UBE2O: variants seen among roughly 807,000 people sequenced by gnomAD.
UBE2O encodes the protein ubiquitin conjugating enzyme E2 O.
UBE2O carries 15 observed loss-of-function variants against 125.8 expected under a neutral mutation model. The ratio of observed to expected loss-of-function variants is 0.12; its 90% CI spans 0.08 to 0.18. UBE2O has a LOEUF of 0.18. Among genes scored for constraint, UBE2O ranks in the 10% least tolerant of loss-of-function variants. The pLI is 1.00. For synonymous variants in UBE2O, 708 were observed against 703.2 expected (o/e 1.01, Z -0.11); for missense variants, 1,280 against 1,723.6 (o/e 0.74, Z 4.56).
In UBE2O at chr17:76,400,577, G is replaced by A; in HGVS notation, c.895-27C>T. 1 of 1,533,162 alleles carries A rather than the reference G, an allele frequency of 6.5e-7. No individual in the cohort carries two copies. The highest frequency in any genetic ancestry group is 9.0e-7 in the Non-Finnish European group (1 of 1,117,214). 95.0% of individuals were successfully genotyped at this position (1,533,162 alleles called of 1,614,324 possible). ...TGGGGATGGCAGGTGGGACACGCCA[G>A]TCAGGGCAGGCTCTGACAGCACTCT... On this transcript the variant is annotated intron_variant, in intron 6 of 17. Coordinates refer to ENST00000319380, the MANE Select transcript of UBE2O (RefSeq NM_022066.4). This position sits in a 1 kb window ranked among gnomAD's most constrained non-coding sequence, Gnocchi z 4.3.
At chr17:76,394,596 T>G (rs1447797265) in intron 15 of UBE2O, among the ~76,000 whole-genome samples, 1 of 152,218 alleles carries the variant, frequency 6.6e-6, no homozygotes, top group Non-Finnish European at 1.5e-5. Flanking sequence ...ATACAAAATA[T>G]TATGTACTTA....
At chr17:76,417,837 G>T (rs2072642480) in intron 1 of UBE2O, among the ~76,000 whole-genome samples, 1 of 152,214 alleles carries the variant, frequency 6.6e-6, no homozygotes, top group African/African-American at 2.4e-5. Context: ...AGACGTCTGG[G>T]TGAAGAGATG....
At chr17:76,451,546 C>T (rs1041109896) in intron 1 of UBE2O, among the ~76,000 whole-genome samples, 3 of 152,160 alleles carry the variant, frequency 2.0e-5, no homozygotes, top group Admixed American at 2.0e-4. Flanking sequence ...TTTTCCTTCT[C>T]AAGCCGTTGT....
intron 1 of UBE2O, among the ~76,000 whole-genome samples, chr17:76,442,740 G>A (rs1170245767): frequency 2.0e-5 from 3 of 152,212 alleles, no homozygotes; most frequent in Non-Finnish European, 2.9e-5. Context: ...CATGATCAGA[G>A]GCTGGGTCCT....
chr17:76,436,572 G>A (rs1352323861), intron 1 of UBE2O, among the ~76,000 whole-genome samples: 5 of 152,004 alleles, frequency 3.3e-5, no homozygotes, highest in Non-Finnish European at 7.4e-5. Context: ...CCTAGACGAT[G>A]CCTCCAGGCC....
chr17:76,408,858 A>C (rs1468082737), intron 1 of UBE2O, among the ~76,000 whole-genome samples: 2 of 152,224 alleles, frequency 1.3e-5, no homozygotes, highest in African/African-American at 4.8e-5. Context: ...AGTTTAAAAA[A>C]AAATTGTTAC....
rs1157566193 is a variant in UBE2O, at chr17:76,401,033, T to C, written c.872A>G (p.Lys291Arg). Residue 291 changes from lysine to arginine, a missense_variant, in exon 6 of 18, where the codon AAG becomes AGG. Physicochemically the swap from Lys to Arg is conservative, Grantham distance 26 (BLOSUM62 2). Around this residue, in one of 10 missense-constraint regions of UBE2O, gnomAD observed 206 missense variants for 315.7 expected, o/e 0.65. Transcript: ENST00000319380. ...CACCTCTTCCACCACCACTCGGAAC[T>C]TGCTCTTGGTGCTGAGCACGGGCTT... ...GVKPVLSTKSKFRVVVEEVQV... is the reference protein window; with the variant it reads ...GVKPVLSTKSRFRVVVEEVQV... 1 of 1,613,860 alleles carries C rather than the reference T, an allele frequency of 6.2e-7. No individual in the cohort carries two copies. Among genetic ancestry groups the C allele is most frequent in the Non-Finnish European group, 8.5e-7 (1 of 1,180,022 alleles).
Position 76,395,936 on chromosome 17 carries a change from G to A in UBE2O, c.2810-75C>T. ...TCCATCTGCCAACCTGGCTGGACAGGTGAGCACACCCACAGACTTCCCACT... is the reference window on the plus strand; with the variant it reads ...TCCATCTGCCAACCTGGCTGGACAGATGAGCACACCCACAGACTTCCCACT... On this transcript the variant is annotated intron_variant, in intron 14 of 17. Coordinates refer to ENST00000319380, the MANE Select transcript of UBE2O (RefSeq NM_022066.4). The surrounding 1 kb of genome is among the most constrained non-coding windows in gnomAD (Gnocchi z 5.0). 4 of 1,597,596 alleles carry A rather than the reference G, an allele frequency of 2.5e-6. No individual in the cohort carries two copies. The highest frequency in any genetic ancestry group is 1.1e-5 in the South Asian group (1 of 90,630).
chr17:76,451,987 G>C lies in UBE2O; in HGVS notation c.417+738C>G, dbSNP rs189838197. On this transcript the variant is annotated intron_variant, in intron 1 of 17. Coordinates refer to ENST00000319380, the MANE Select transcript of UBE2O (RefSeq NM_022066.4). ...AGCTTCAGGTCAAGAAAAAACCTTCGGGTTTCCAAATTGGTGACTCCCCTC... is the reference window on the plus strand; with the variant it reads ...AGCTTCAGGTCAAGAAAAAACCTTCCGGTTTCCAAATTGGTGACTCCCCTC... Among the ~76,000 whole-genome samples the C allele has an allele frequency of 2.6e-5, 4 of 152,078 alleles. No homozygotes were observed. In the East Asian group the frequency reaches 5.8e-4, roughly 22 times the overall value.
chr17:76,429,541 CAAAAA>C (rs61081315), intron 1 of UBE2O, among the ~76,000 whole-genome samples: 2 of 71,792 alleles, frequency 2.8e-5, no homozygotes, highest in Non-Finnish European at 5.1e-5. Flanking sequence ...GACTCTGTCT[CAAAAA>C]AAAAAAAAAA....
intron 1 of UBE2O, among the ~76,000 whole-genome samples, chr17:76,433,527 C>G (rs555253031): frequency 6.6e-6 from 1 of 151,086 alleles, no homozygotes; most frequent in South Asian, 2.1e-4. Flanking sequence ...ACCGTACAAC[C>G]GTTTGAGTAT....
At chr17:76,449,090 C>T (rs757225491) in intron 1 of UBE2O, among the ~76,000 whole-genome samples, 7 of 152,240 alleles carry the variant, frequency 4.6e-5, no homozygotes, top group Non-Finnish European at 8.8e-5. Context: ...GTTTCTGTTG[C>T]TATTTTCATG....
rs528250805 is a variant in UBE2O, at chr17:76,428,755, A to G, written c.418-23183T>C. On this transcript the variant is annotated intron_variant, in intron 1 of 17. Transcript: ENST00000319380. The stretch of plus-strand genomic sequence containing the variant: ...CTTGACTGCTGTTACATGTGGTTAC[A>G]TGAATCCACAGATGTGATAAAGGGT... 2.6e-5 allele frequency among the ~76,000 whole-genome samples: 4 copies of G among 152,350 alleles called. No individual in the cohort carries two copies. The South Asian group carries it at 8.3e-4, about 32-fold the overall frequency.
intron 1 of UBE2O, among the ~76,000 whole-genome samples, chr17:76,445,831 GT>G (rs750919899): frequency 1.3e-5 from 2 of 152,192 alleles, no homozygotes; most frequent in Non-Finnish European, 2.9e-5. Context: ...TCCTGACAGA[GT>G]CCCCCCGTGG....
intron 5 of UBE2O, 136 bp from the exon 6 acceptor site, chr17:76,401,290 G>T: frequency 9.6e-7 from 1 of 1,040,424 alleles, no homozygotes; most frequent in Non-Finnish European, 1.4e-6. Flanking sequence ...CCTAAAACAA[G>T]TCCTGTGGCT....
rs1480371560 is a variant in UBE2O, at chr17:76,405,320, G to T, written c.478-4C>A. ...TCACCGTGCCACACTGACTGTCCTG[G>T]GGGAGGGAGGAGACATGCAAGTCCC... On this transcript the variant is annotated splice_polypyrimidine_tract_variant and splice_region_variant and intron_variant, in intron 2 of 17. Coordinates refer to ENST00000319380, the MANE Select transcript of UBE2O (RefSeq NM_022066.4). This position sits in a 1 kb window ranked among gnomAD's most constrained non-coding sequence, Gnocchi z 6.1. 2 of 1,605,810 alleles carry T rather than the reference G, an allele frequency of 1.2e-6. No homozygotes were observed. Among genetic ancestry groups the T allele is most frequent in the Non-Finnish European group, 1.7e-6 (2 of 1,174,068 alleles).
rs531398619 is a variant in UBE2O at position 76,406,621 on chromosome 17, A to G, written c.418-1049T>C. Among the ~76,000 whole-genome samples the G allele has an allele frequency of 1.2e-3, 174 of 150,826 alleles. 1 individual carries two copies. The highest frequency in any genetic ancestry group is 1.9e-3 in the Non-Finnish European group (132 of 67,712). On this transcript the variant is annotated intron_variant, in intron 1 of 17. Coordinates refer to ENST00000319380, the MANE Select transcript of UBE2O (RefSeq NM_022066.4). ...AACGTGACTCACAAAAAAAAAAAGGAAAGAAAAGCAATGAACCCCACCACC... is the reference window on the plus strand; with the variant it reads ...AACGTGACTCACAAAAAAAAAAAGGGAAGAAAAGCAATGAACCCCACCACC...
In UBE2O at chr17:76,436,594, C is replaced by T. The variant is rs114680846; in HGVS notation, c.417+16131G>A. 4.1e-4 allele frequency among the ~76,000 whole-genome samples: 63 copies of T among 152,172 alleles called. 1 individual carries two copies. Among genetic ancestry groups the T allele is most frequent in the Middle Eastern group, 3.4e-3 (1 of 294 alleles). On this transcript the variant is annotated intron_variant, in intron 1 of 17. Coordinates refer to ENST00000319380, the MANE Select transcript of UBE2O (RefSeq NM_022066.4). ...GATGCCTCCAGGCCCCTGCCCTGCA[C>T]GCTGTCCCTCGCCTGCTGCTGCTCT...
rs1376489657 is a variant in UBE2O at position 76,391,113 on chromosome 17, G to A, written c.3709C>T (p.Arg1237Trp). The A allele has an allele frequency of 4.3e-6, 7 of 1,614,054 alleles. No homozygotes were observed. The highest frequency in any genetic ancestry group is 1.6e-4 in the Middle Eastern group (1 of 6,084). ...SVPPSVKPKK[R>W]RKSYRSFLPE... ...AAGAAGCTCCGGTAGCTCTTTCTCCGCTTCTTTGGTTTCACACTGGGTGGC... is the reference window on the plus strand; with the variant it reads ...AAGAAGCTCCGGTAGCTCTTTCTCCACTTCTTTGGTTTCACACTGGGTGGC... Residue 1237 changes from arginine (R) to tryptophan (W), a missense_variant, in exon 18 of 18, where the codon CGG becomes TGG. Around this residue, in one of 10 missense-constraint regions of UBE2O, gnomAD observed 233 missense variants for 279.0 expected, o/e 0.84. Coordinates refer to ENST00000319380, the MANE Select transcript of UBE2O (RefSeq NM_022066.4). This position sits in a 1 kb window ranked among gnomAD's most constrained non-coding sequence, Gnocchi z 8.4.
Sources: gnomAD v4.1 joint callset for allele counts (sites outside exome capture counted in the v4.1 genomes callset) on GRCh38, gnomAD v4.1.1 for gene constraint, gnomAD v4.1.1 regional missense constraint, Gnocchi (gnomAD v3.1) non-coding constraint, MANE v1.5 for transcripts, NCBI Gene and HGNC (gene_info 2026-07-23, HGNC 2026-07-21) for gene names.